MDGA2: variants seen among roughly 807,000 people sequenced by gnomAD.
The protein encoded by MDGA2 is MAM domain containing glycosylphosphatidylinositol anchor 2, also known as MAM domain-containing glycosylphosphatidylinositol anchor protein 2.
In MDGA2, 40 loss-of-function variants were observed where a neutral mutation model predicts 117.8. The ratio of observed to expected loss-of-function variants is 0.34; its 90% CI spans 0.26 to 0.44. MDGA2 has a LOEUF of 0.44. Ranked by LOEUF, MDGA2 falls within the 20% of genes least tolerant of loss-of-function variation. The pLI, the probability that MDGA2 is intolerant of heterozygous loss-of-function variation, is 1.00. For synonymous variants in MDGA2, 452 were observed against 439.0 expected, an observed-to-expected ratio of 1.03 and a Z score of -0.37; for missense variants, 1,123 against 1,250.6, an observed-to-expected ratio of 0.90 and a Z score of 1.54.
At chr14:47,619,861 G>C (rs1050997940) in intron 1 of MDGA2, among the ~76,000 whole-genome samples, 3 of 152,128 alleles carry the variant, frequency 2.0e-5, no homozygotes, top group African/African-American at 7.2e-5. Context: ...TTATTACTTA[G>C]ATATCCAGGG....
chr14:47,040,182 A>G (rs1889012404), intron 7 of MDGA2, among the ~76,000 whole-genome samples: 1 of 152,172 alleles, frequency 6.6e-6, no homozygotes, highest in Non-Finnish European at 1.5e-5. Flanking sequence ...TACACCTAAT[A>G]TATACATTAA....
At chr14:47,409,753 A>T (rs1892332638) in intron 1 of MDGA2, among the ~76,000 whole-genome samples, 1 of 152,054 alleles carries the variant, frequency 6.6e-6, no homozygotes, top group East Asian at 1.9e-4. Flanking sequence ...AAGAAAGAAA[A>T]CCTCATGAAT....
intron 9 of MDGA2, among the ~76,000 whole-genome samples, chr14:46,951,370 T>C (rs1480922791): frequency 1.3e-5 from 2 of 152,020 alleles, no homozygotes; most frequent in Admixed American, 1.3e-4. Flanking sequence ...CTCTTGTTTT[T>C]CATATATTTG....
chr14:47,527,323 A>C (rs1894993274), intron 1 of MDGA2, among the ~76,000 whole-genome samples: 1 of 152,238 alleles, frequency 6.6e-6, no homozygotes, highest in African/African-American at 2.4e-5. Context: ...TCCCACTAGG[A>C]AACAGCCATT....
intron 1 of MDGA2, among the ~76,000 whole-genome samples, chr14:47,669,986 C>T (rs1898045583): frequency 6.6e-6 from 1 of 152,142 alleles, no homozygotes. Context: ...CCAGATTCAA[C>T]CCACTAAAAT....
intron 16 of MDGA2, among the ~76,000 whole-genome samples, chr14:46,845,541 C>T (rs1880800633): frequency 6.6e-6 from 1 of 152,098 alleles, no homozygotes; most frequent in Admixed American, 6.6e-5. Flanking sequence ...TTACGTAGAT[C>T]TAAATCAAAA....
intron 3 of MDGA2, among the ~76,000 whole-genome samples, chr14:47,157,706 G>C (rs1296633963): frequency 6.6e-6 from 1 of 151,552 alleles, no homozygotes; most frequent in African/African-American, 2.4e-5. Context: ...TAATCCCCAT[G>C]TGTGGTGGGA....
intron 15 of MDGA2, among the ~76,000 whole-genome samples, chr14:46,854,707 T>C (rs536306658): frequency 6.6e-6 from 1 of 151,846 alleles, no homozygotes; most frequent in Non-Finnish European, 1.5e-5. Flanking sequence ...TAGAAACTTA[T>C]AATAATTTTT....
chr14:47,663,528 C>A (rs1298805868), intron 1 of MDGA2, among the ~76,000 whole-genome samples: 1 of 152,156 alleles, frequency 6.6e-6, no homozygotes, highest in African/African-American at 2.4e-5. Context: ...AAAGTGTTTG[C>A]CAAAGAAAAC....
intron 10 of MDGA2, among the ~76,000 whole-genome samples, chr14:46,910,888 C>G (rs1883673191): frequency 6.6e-6 from 1 of 152,062 alleles, no homozygotes; most frequent in African/African-American, 2.4e-5. Context: ...CAAATAAATG[C>G]AGGAATAGAA....
chr14:47,174,747 G>C (rs917814180), intron 3 of MDGA2, among the ~76,000 whole-genome samples: 2 of 152,108 alleles, frequency 1.3e-5, no homozygotes, highest in South Asian at 2.1e-4. Context: ...AGCCAGAAAA[G>C]CAAGAGCAAA....
chr14:46,919,864 G>A, intron 10 of MDGA2, 148 bp downstream of exon 10: 3 of 637,016 alleles, frequency 4.7e-6, no homozygotes, highest in Non-Finnish European at 4.8e-6. Context: ...TACATAGGGT[G>A]AAAACATATC....
intron 1 of MDGA2, among the ~76,000 whole-genome samples, chr14:47,439,685 T>C (rs893584463): frequency 6.6e-6 from 1 of 152,060 alleles, no homozygotes; most frequent in Non-Finnish European, 1.5e-5. Flanking sequence ...TAAATTTTTT[T>C]TTCATATATG....
chr14:47,148,964 C>T (rs1883056577), intron 3 of MDGA2, among the ~76,000 whole-genome samples: 1 of 152,154 alleles, frequency 6.6e-6, no homozygotes, highest in Non-Finnish European at 1.5e-5. Context: ...ATTCTGGAGT[C>T]TTAGATATAT....
chr14:47,161,468 A>C (rs964334531), intron 3 of MDGA2, among the ~76,000 whole-genome samples: 1 of 152,032 alleles, frequency 6.6e-6, no homozygotes, highest in Non-Finnish European at 1.5e-5. Flanking sequence ...GTTAGAACTT[A>C]TGCCATACAA....
chr14:47,470,358 A>G (rs973024583), intron 1 of MDGA2, among the ~76,000 whole-genome samples: 2 of 149,766 alleles, frequency 1.3e-5, no homozygotes, highest in Non-Finnish European at 3.0e-5. Flanking sequence ...AGGTGCGAAC[A>G]TGCGGTGTTT....
intron 11 of MDGA2, among the ~76,000 whole-genome samples, chr14:46,881,444 C>A (rs1882455652): frequency 6.6e-6 from 1 of 152,132 alleles, no homozygotes; most frequent in African/African-American, 2.4e-5. Flanking sequence ...AAATTATATA[C>A]ACTTGTCAAA....
intron 1 of MDGA2, among the ~76,000 whole-genome samples, chr14:47,475,832 CG>C (rs993122553): frequency 6.6e-6 from 1 of 151,928 alleles, no homozygotes; most frequent in African/African-American, 2.4e-5. Context: ...TGTCAGGGAT[CG>C]GGGAGCATCA....
intron 1 of MDGA2, among the ~76,000 whole-genome samples, chr14:47,609,174 G>A (rs371818654): frequency 4.6e-5 from 7 of 151,162 alleles, no homozygotes; most frequent in East Asian, 4.0e-4. Flanking sequence ...AGCAGTATAC[G>A]CTGCACAGTA....
Sources: gnomAD v4.1 joint callset for allele counts (sites outside exome capture counted in the v4.1 genomes callset) on GRCh38, gnomAD v4.1.1 for gene constraint, MANE v1.5 for transcripts, NCBI Gene and HGNC (gene_info 2026-07-23, HGNC 2026-07-21) for gene names.